The following KCNMA1 variants were observed in gnomAD, a reference collection of about 807,000 sequenced individuals.
The protein encoded by KCNMA1 is potassium calcium-activated channel subfamily M alpha 1, also known as Calcium-activated potassium channel subunit alpha-1.
In KCNMA1, 29 loss-of-function variants were observed where a neutral mutation model predicts 140.0. The observed-to-expected ratio is 0.21, with a 90% CI of 0.15 to 0.28. The LOEUF is 0.28. Ranked by LOEUF, KCNMA1 falls within the 10% of genes least tolerant of loss-of-function variation. The probability of loss-of-function intolerance (pLI) is 1.00; values close to 1 mark genes in which losing one functional copy is unlikely to be tolerated. For synonymous variants in KCNMA1, 612 were observed against 611.9 expected, an observed-to-expected ratio of 1.00 and a Z score of 0.00; for missense variants, 880 against 1,602.2, an observed-to-expected ratio of 0.55 and a Z score of 7.70.
chr10:77,388,554 G>C (rs1026094014), intron 2 of KCNMA1, among the ~76,000 whole-genome samples: 8 of 152,082 alleles, frequency 5.3e-5, no homozygotes, highest in Non-Finnish European at 1.0e-4. Flanking sequence ...CTTGTAAATG[G>C]CTTAATGTGT....
rs192624087 is a variant in KCNMA1 at position 77,632,796 on chromosome 10, A to G, written c.378+4469T>C. Among the ~76,000 whole-genome samples the G allele has an allele frequency of 2.1e-3, 321 of 152,382 alleles. 1 individual carries two copies. The highest frequency in any genetic ancestry group is 6.9e-3 in the African/African-American group (287 of 41,590). On this transcript the variant is annotated intron_variant, in intron 1 of 27. Coordinates refer to ENST00000286628, the MANE Select transcript of KCNMA1 (RefSeq NM_001161352.2). Reference sequence around the variant, plus strand: ...GAAGCTATGATAGTTACCACTTACAAGAGGCCTGCTAAGTGTCTGGCATTT... The same window carrying G: ...GAAGCTATGATAGTTACCACTTACAGGAGGCCTGCTAAGTGTCTGGCATTT...
chr10:77,619,944 C>T (rs2090874915), intron 1 of KCNMA1, among the ~76,000 whole-genome samples: 1 of 152,170 alleles, frequency 6.6e-6, no homozygotes, highest in Non-Finnish European at 1.5e-5. Flanking sequence ...TAGGCCATCA[C>T]TGGGGCCACC....
chr10:77,157,418 A>C (rs2098500976), intron 5 of KCNMA1, among the ~76,000 whole-genome samples: 1 of 151,870 alleles, frequency 6.6e-6, no homozygotes, highest in African/African-American at 2.4e-5. Context: ...AATATCTAGA[A>C]TGATCTTTAT....
chr10:77,423,670 G>A (rs943567166), intron 1 of KCNMA1, among the ~76,000 whole-genome samples: 2 of 152,098 alleles, frequency 1.3e-5, no homozygotes, highest in Admixed American at 6.6e-5. Context: ...TCCAATCCAT[G>A]CCAACCCAGG....
Position 77,311,838 on chromosome 10 carries a change from C to G in KCNMA1, c.541-60582G>C, listed in dbSNP as rs149358871. Among the ~76,000 whole-genome samples, 649 of 152,284 alleles carry G rather than the reference C, an allele frequency of 4.3e-3. 9 individuals carry two copies. The highest frequency in any genetic ancestry group is 0.015 in the African/African-American group (603 of 41,552). ...ATCCATTCCCCCAGTCATGCTGCCT[C>G]CCTCACAATGGTCTGCTGTCATTTC... On this transcript the variant is annotated intron_variant, in intron 2 of 27. Coordinates refer to ENST00000286628, the MANE Select transcript of KCNMA1 (RefSeq NM_001161352.2).
intron 1 of KCNMA1, among the ~76,000 whole-genome samples, chr10:77,541,742 A>G (rs1013617637): frequency 6.6e-6 from 1 of 152,226 alleles, no homozygotes; most frequent in South Asian, 2.1e-4. Flanking sequence ...CACGCTAGAT[A>G]GAACACCTAG....
chr10:77,025,540 C>A (rs183847740), intron 16 of KCNMA1: 81 of 1,160,130 alleles, frequency 7.0e-5, no homozygotes, highest in Admixed American at 1.6e-4. Flanking sequence ...AGGAATAAAA[C>A]CTTTGTTTCA....
At chr10:77,188,908 C>T (rs969848837) in intron 3 of KCNMA1, among the ~76,000 whole-genome samples, 1 of 152,102 alleles carries the variant, frequency 6.6e-6, no homozygotes, top group Non-Finnish European at 1.5e-5. Context: ...TTCCTCATCT[C>T]CAAGAGGGAA....
At chr10:77,155,535 C>A (rs1312434179) in intron 5 of KCNMA1, among the ~76,000 whole-genome samples, 1 of 152,084 alleles carries the variant, frequency 6.6e-6, no homozygotes. Context: ...GCTCACCCTG[C>A]CCTGTTCTGC....
At chr10:77,071,869 G>A (rs1321212431) in intron 14 of KCNMA1, among the ~76,000 whole-genome samples, 1 of 152,172 alleles carries the variant, frequency 6.6e-6, no homozygotes, top group African/African-American at 2.4e-5. Context: ...TGGCAGGTAC[G>A]AAGGATAAGG....
intron 23 of KCNMA1, among the ~76,000 whole-genome samples, chr10:76,940,831 C>T (rs945808976): frequency 4.6e-5 from 7 of 151,186 alleles, no homozygotes; most frequent in Middle Eastern, 3.4e-3. Flanking sequence ...TGTGGCAGCA[C>T]GCACCTGTAA....
chr10:77,382,949 CAT>C (rs1447784454), intron 2 of KCNMA1, among the ~76,000 whole-genome samples: 4 of 87,898 alleles, frequency 4.6e-5, no homozygotes, highest in Non-Finnish European at 7.2e-5. Context: ...TACACATATA[CAT>C]ATATATACGT....
intron 2 of KCNMA1, among the ~76,000 whole-genome samples, chr10:77,313,714 T>C (rs2079994026): frequency 6.6e-6 from 1 of 152,186 alleles, no homozygotes. Flanking sequence ...CCTAGCACAG[T>C]ACCTGGCACA....
At chr10:77,303,784 T>A (rs10824518) in intron 2 of KCNMA1, among the ~76,000 whole-genome samples, 37,335 of 152,172 alleles carry the variant, frequency 0.25, 5,892 homozygotes, top group Non-Finnish European at 0.36. Flanking sequence ...TTTGAGCCCA[T>A]GGATTCTTGC....
At chr10:77,270,526 CTT>C (rs1202949761) in intron 2 of KCNMA1, among the ~76,000 whole-genome samples, 1 of 150,500 alleles carries the variant, frequency 6.6e-6, no homozygotes, top group African/African-American at 2.5e-5. Context: ...CTCTCTCTCT[CTT>C]TCTTTTTTTT....
chr10:77,389,751 G>T (rs2095746866), intron 2 of KCNMA1, among the ~76,000 whole-genome samples: 2 of 152,160 alleles, frequency 1.3e-5, no homozygotes, highest in African/African-American at 2.4e-5. Context: ...CCTGCCCAGT[G>T]CCTCAGGCCC....
chr10:77,307,222 G>T (rs549280118), intron 2 of KCNMA1, among the ~76,000 whole-genome samples: 2 of 152,312 alleles, frequency 1.3e-5, no homozygotes, highest in Admixed American at 1.3e-4. Flanking sequence ...TCCAAAGCCA[G>T]TCTCTTCTGG....
intron 2 of KCNMA1, among the ~76,000 whole-genome samples, chr10:77,269,805 G>C (rs754876576): frequency 1.3e-5 from 2 of 152,174 alleles, no homozygotes; most frequent in Admixed American, 6.5e-5. Flanking sequence ...GACCCTGGAG[G>C]AGTCTTCAGT....
chr10:77,601,503 T>C (rs185827089), intron 1 of KCNMA1, among the ~76,000 whole-genome samples: 1 of 152,308 alleles, frequency 6.6e-6, no homozygotes, highest in East Asian at 1.9e-4. Flanking sequence ...ACTCGGACCA[T>C]GTGATGACCT....
Sources: allele counts gnomAD v4.1 joint callset (sites outside exome capture counted in the v4.1 genomes callset), GRCh38; gene constraint gnomAD v4.1.1; transcripts MANE v1.5; gene names NCBI Gene and HGNC (gene_info 2026-07-23, HGNC 2026-07-21).